CYTH4: variants seen among roughly 807,000 people sequenced by gnomAD.
The protein encoded by CYTH4 is cytohesin-4.
Under a neutral mutation model 57.5 loss-of-function variants are expected in CYTH4, and 22 were observed. The ratio of observed to expected loss-of-function variants is 0.38; its 90% CI spans 0.27 to 0.55. CYTH4 has a LOEUF of 0.55. Ranked by LOEUF, CYTH4 falls within the 20% of genes least tolerant of loss-of-function variation. CYTH4 has a pLI of 0.74. For synonymous variants in CYTH4, 186 were observed against 206.5 expected (o/e 0.90, Z 0.85); for missense variants, 420 against 535.6 (o/e 0.78, Z 2.13).
chr22:37,291,166 A>G (rs1046128061), intron 1 of CYTH4, among the ~76,000 whole-genome samples: 2 of 152,226 alleles, frequency 1.3e-5, no homozygotes, highest in African/African-American at 4.8e-5. Flanking sequence ...GAGACTCAGA[A>G]TAACAGCAAC....
chr22:37,294,740 G>C lies in CYTH4; in HGVS notation c.167+16G>C. Reference sequence around the variant, plus strand: ...CGGAGGAGAGGTGAGGGGCTTGGGTGGGGACCCCCAGAAACTGCCATGGTT... The same window carrying C: ...CGGAGGAGAGGTGAGGGGCTTGGGTCGGGACCCCCAGAAACTGCCATGGTT... On this transcript the variant is annotated intron_variant, in intron 3 of 12. Coordinates refer to ENST00000248901, the MANE Select transcript of CYTH4 (RefSeq NM_013385.5). 3 of 1,613,736 alleles carry C rather than the reference G, an allele frequency of 1.9e-6. No homozygotes were observed. Among genetic ancestry groups the C allele is most frequent in the Non-Finnish European group, 2.5e-6 (3 of 1,179,724 alleles).
In CYTH4 at chr22:37,294,662, G is replaced by A; in HGVS notation, c.105G>A (p.Lys35=). The A allele has an allele frequency of 1.2e-6, 2 of 1,613,794 alleles. No homozygotes were observed. Among genetic ancestry groups the A allele is most frequent in the South Asian group, 2.2e-5 (2 of 91,080 alleles). ...GTCCTGCCCCTGCCACCCCACAGAA[G>A]CTGAAGGATGAGATTGCAGATGTGT... ...HRKQLLEDIQ[K]LKDEIADVFA... Residue 35 remains lysine (K), a splice_region_variant and synonymous_variant, in exon 3 of 13, where the codon AAG becomes AAA. Transcript: ENST00000248901.
chr22:37,287,935 G>A (rs908767781), intron 1 of CYTH4, among the ~76,000 whole-genome samples: 4 of 152,128 alleles, frequency 2.6e-5, no homozygotes, highest in Non-Finnish European at 2.9e-5. Context: ...AAGTGTCCCC[G>A]CCAACTCCCT....
intron 6 of CYTH4, among the ~76,000 whole-genome samples, chr22:37,300,586 G>C (rs965752396): frequency 6.6e-6 from 1 of 152,240 alleles, no homozygotes; most frequent in Non-Finnish European, 1.5e-5. Flanking sequence ...CAGGTGCGGG[G>C]AGCCACAGAC....
At chr22:37,296,804 A>G (rs1415966157) in intron 4 of CYTH4, among the ~76,000 whole-genome samples, 9 of 151,992 alleles carry the variant, frequency 5.9e-5, no homozygotes. Context: ...CACCCCACCC[A>G]GCACCCAGGG....
chr22:37,314,471 G>A lies in CYTH4; in HGVS notation c.*960G>A. The A allele has an allele frequency of 2.5e-6, 1 of 398,804 alleles. No individual in the cohort carries two copies. The highest frequency in any genetic ancestry group is 4.4e-6 in the Non-Finnish European group (1 of 226,188). The allele number at this position is 398,804 out of a possible 1,614,324, so 24.7% of individuals were successfully genotyped here. A position where few individuals can be genotyped will look rare whatever the true frequency, so the allele number is the denominator to read the frequency against. ...TTCGTGCACTGTGGTTAACAGGAGG[G>A]CTGCCTGGAGGCAGTGGCTGAGCCA... On this transcript the variant is annotated 3_prime_UTR_variant, in exon 13 of 13. Transcript: ENST00000248901.
At chr22:37,306,721 C>T (rs917907523) in intron 8 of CYTH4, among the ~76,000 whole-genome samples, 11 of 152,218 alleles carry the variant, frequency 7.2e-5, no homozygotes, top group African/African-American at 2.7e-4. Flanking sequence ...GATCCAGTTG[C>T]CCCATCTCTC....
chr22:37,287,752 T>G (rs1265163857), intron 1 of CYTH4, among the ~76,000 whole-genome samples: 1 of 152,170 alleles, frequency 6.6e-6, no homozygotes, highest in Non-Finnish European at 1.5e-5. Context: ...CACTGCCACT[T>G]CCTGTGAATG....
intron 5 of CYTH4, 107 bp downstream of exon 5, chr22:37,297,789 C>G: frequency 1.1e-6 from 1 of 935,924 alleles, no homozygotes; most frequent in Admixed American, 1.8e-5. Flanking sequence ...AAAGTCATCA[C>G]TCCTAGTGCT....
chr22:37,293,197 G>A (rs1285338987), intron 2 of CYTH4, among the ~76,000 whole-genome samples: 19 of 152,224 alleles, frequency 1.2e-4, no homozygotes, highest in Non-Finnish European at 1.0e-4. Flanking sequence ...CTTTGCACTC[G>A]CAGTCCCCTC....
At chr22:37,308,846 G>A (rs1022099325) in intron 8 of CYTH4, among the ~76,000 whole-genome samples, 8 of 150,712 alleles carry the variant, frequency 5.3e-5, no homozygotes, top group African/African-American at 1.5e-4. Flanking sequence ...AAGTGTGCCT[G>A]CATGTGTGTG....
intron 1 of CYTH4, among the ~76,000 whole-genome samples, chr22:37,284,858 A>G (rs1390441900): frequency 6.6e-6 from 1 of 152,146 alleles, no homozygotes; most frequent in Non-Finnish European, 1.5e-5. Flanking sequence ...CCAGACAGCA[A>G]AGCCCCAGTG....
intron 6 of CYTH4, among the ~76,000 whole-genome samples, chr22:37,300,669 C>T (rs1929144575): frequency 6.6e-6 from 1 of 152,262 alleles, no homozygotes; most frequent in South Asian, 2.1e-4. Context: ...GGGATTCAGA[C>T]CTGCAGAGCG....
At chr22:37,308,804 G>A (rs1238880473) in intron 8 of CYTH4, among the ~76,000 whole-genome samples, 1 of 152,144 alleles carries the variant, frequency 6.6e-6, no homozygotes, top group African/African-American at 2.4e-5. Context: ...ACATGCATGT[G>A]TGTGCATGTA....
chr22:37,283,320 G>A (rs564352380), intron 1 of CYTH4, among the ~76,000 whole-genome samples: 17 of 152,312 alleles, frequency 1.1e-4, no homozygotes, highest in African/African-American at 3.6e-4. Context: ...CATCAGGGTC[G>A]TGTTTTGGGA....
intron 8 of CYTH4, among the ~76,000 whole-genome samples, chr22:37,308,254 C>T (rs1204871079): frequency 6.6e-6 from 1 of 152,236 alleles, no homozygotes; most frequent in African/African-American, 2.4e-5. Flanking sequence ...CCTCCCATGG[C>T]TTTTGCCAAG....
rs1928794678 is a variant in CYTH4, at chr22:37,292,715, C to T, written c.102+12C>T. 8 of 1,612,712 alleles carry T rather than the reference C, an allele frequency of 5.0e-6. No individual in the cohort carries two copies. In the East Asian group the frequency reaches 1.8e-4, roughly 36 times the overall value. ...TGGAGGACATCCAGGTGAGTGCACA[C>T]TCGTGTCCACACACGTGTCCATGCC... On this transcript the variant is annotated intron_variant, in intron 2 of 12. Transcript: ENST00000248901.
intron 1 of CYTH4, among the ~76,000 whole-genome samples, chr22:37,288,938 G>A (rs1928650758): frequency 6.6e-6 from 1 of 152,228 alleles, no homozygotes. Context: ...CTTCTGTGAT[G>A]TTATGTGGTG....
chr22:37,284,832 C>T (rs372507218), intron 1 of CYTH4, among the ~76,000 whole-genome samples: 3 of 152,138 alleles, frequency 2.0e-5, no homozygotes, highest in African/African-American at 2.4e-5. Flanking sequence ...CAGGGCCTGC[C>T]GGGAAGGTGA....
Sources: allele counts gnomAD v4.1 joint callset (sites outside exome capture counted in the v4.1 genomes callset), GRCh38; gene constraint gnomAD v4.1.1; transcripts MANE v1.5; gene names NCBI Gene and HGNC (gene_info 2026-07-23, HGNC 2026-07-21).